Variants in LEPR observed in about 807,000 individuals in gnomAD.
LEPR encodes leptin receptor, also known as OB receptor.
A neutral mutation model predicts 114.7 loss-of-function variants in LEPR; 56 were observed. That is an observed-to-expected ratio of 0.49 (90% CI 0.39 to 0.61). The LOEUF (loss-of-function observed/expected upper bound fraction) is 0.61. Ranked by LOEUF, LEPR falls within the 20% of genes least tolerant of loss-of-function variation. The pLI, the probability that LEPR is intolerant of heterozygous loss-of-function variation, is 0.00. For synonymous variants in LEPR, 443 were observed against 461.4 expected, an observed-to-expected ratio of 0.96 and a Z score of 0.51; for missense variants, 1,202 against 1,352.9, an observed-to-expected ratio of 0.89 and a Z score of 1.75.
chr1:65,635,859 C>G (rs903835550), intron 19 of LEPR, among the ~76,000 whole-genome samples: 1 of 152,112 alleles, frequency 6.6e-6, no homozygotes, highest in South Asian at 2.1e-4. Flanking sequence ...TAAGCACTTG[C>G]AGACACTAAT....
Position 65,601,773 on chromosome 1 carries a change from GA to G in LEPR, c.1286-64del, listed in dbSNP as rs1481333983. 1.0e-5 allele frequency: 16 copies of G among 1,586,850 alleles called. No homozygotes were observed. In the East Asian group the frequency reaches 3.2e-4, roughly 32 times the overall value. Reference sequence around the variant, plus strand: ...TATTAGAGTCCTGTTAAAGATGTAAGAAAAAATTTTTTTCATTGAATTTTTT... The same window carrying G: ...TATTAGAGTCCTGTTAAAGATGTAAGAAAAATTTTTTTCATTGAATTTTTT... On this transcript the variant is annotated intron_variant, in intron 9 of 19. Transcript: ENST00000349533.
At chr1:65,425,203 A>G in intron 1 of LEPR, 100 bp from the exon 2 acceptor site, 2 of 942,364 alleles carry the variant, frequency 2.1e-6, no homozygotes, top group South Asian at 2.9e-5. Flanking sequence ...CGCCAAAGAA[A>G]CTCTGGACCT....
intron 2 of LEPR, among the ~76,000 whole-genome samples, chr1:65,523,502 G>T (rs1025448077): frequency 2.0e-5 from 3 of 151,826 alleles, no homozygotes; most frequent in Non-Finnish European, 4.4e-5. Flanking sequence ...ATGGAGATGG[G>T]GTTTCACCAT....
At chr1:65,576,879 A>C (rs769606676) in intron 5 of LEPR, 1 of 331,278 alleles carries the variant, frequency 3.0e-6, no homozygotes, top group Non-Finnish European at 6.0e-6. Flanking sequence ...TGTTATTTCC[A>C]AGTTTTCTCC....
chr1:65,454,622 C>T (rs959943430), intron 2 of LEPR, among the ~76,000 whole-genome samples: 1 of 152,216 alleles, frequency 6.6e-6, no homozygotes, highest in African/African-American at 2.4e-5. Flanking sequence ...CCACTCTCTT[C>T]TGGCTTGTAG....
rs114505530 is a variant in LEPR, at chr1:65,425,236, C to T, written c.-96-67C>T. 2.6e-3 allele frequency: 3,744 copies of T among 1,414,424 alleles called. 83 individuals are homozygous for T. In the African/African-American group the frequency reaches 0.047, roughly 18 times the overall value. 87.6% of individuals were successfully genotyped at this position (1,414,424 alleles called of 1,614,324 possible). A position where few individuals can be genotyped will look rare whatever the true frequency, so the allele number is the denominator to read the frequency against. On this transcript the variant is annotated intron_variant, in intron 1 of 19. Coordinates refer to ENST00000349533, the MANE Select transcript of LEPR (RefSeq NM_002303.6). ...CCTATTAGAAGTCACTCCCCATTTC[C>T]CCAAACCCTCTAGTGCCTGACAACC...
chr1:65,616,025 C>T lies in LEPR; in HGVS notation c.2013C>T (p.Asp671=), dbSNP rs769090710. The part of the protein sequence containing the change: ...TLLWKPLMKN[D]SLCSVQRYVI... ...TACTACAGCCCCTGATGAAAAATGA[C>T]TCATTGTGCAGTGTTCAGAGATATG... Residue 671 remains aspartate (D), a synonymous_variant, in exon 15 of 20, where the codon GAC becomes GAT. Transcript: ENST00000349533. 2.5e-6 allele frequency: 4 copies of T among 1,614,112 alleles called. No individual in the cohort carries two copies. In the Admixed American group the frequency reaches 5.0e-5, roughly 20 times the overall value.
In LEPR at chr1:65,602,429, A is replaced by T. The variant is rs576847029; in HGVS notation, c.1403+469A>T. On this transcript the variant is annotated intron_variant, in intron 10 of 19. Transcript: ENST00000349533. ...GAGATTACTTAGGAAATAAATACTTATGGTTAATAAAGGGTAATGTGTTCT... is the reference window on the plus strand; with the variant it reads ...GAGATTACTTAGGAAATAAATACTTTTGGTTAATAAAGGGTAATGTGTTCT... 5.9e-5 allele frequency among the ~76,000 whole-genome samples: 9 copies of T among 152,082 alleles called. No individual in the cohort carries two copies. The East Asian group carries it at 1.7e-3, about 29-fold the overall frequency.
At chr1:65,586,941 A>C (rs1315623133) in intron 5 of LEPR, among the ~76,000 whole-genome samples, 1 of 152,106 alleles carries the variant, frequency 6.6e-6, no homozygotes, top group East Asian at 1.9e-4. Context: ...AAAATGAAAA[A>C]GAGATTGAAT....
intron 2 of LEPR, among the ~76,000 whole-genome samples, chr1:65,564,967 G>A (rs569640162): frequency 1.3e-5 from 2 of 152,294 alleles, no homozygotes; most frequent in African/African-American, 4.8e-5. Flanking sequence ...GGTATATTAA[G>A]CCACCAGACT....
intron 6 of LEPR, 23 bp from the exon 7 acceptor site, chr1:65,596,425 G>C: frequency 1.2e-6 from 2 of 1,611,434 alleles, no homozygotes; most frequent in Non-Finnish European, 1.7e-6. Context: ...TGACTTAAAA[G>C]TATTCTCTTT....
chr1:65,565,668 A>G (rs1427730508), intron 3 of LEPR, 63 bp downstream of exon 3: 1 of 1,575,832 alleles, frequency 6.3e-7, no homozygotes. Flanking sequence ...TTGCCTTTAG[A>G]GATGCTGTTT....
At chr1:65,630,132 C>G (rs1268494005) in intron 19 of LEPR, 1 of 182,100 alleles carries the variant, frequency 5.5e-6, no homozygotes, top group Admixed American at 5.9e-5. Flanking sequence ...TCCAGTGTTG[C>G]TTCTGAGCAG....
chr1:65,432,538 C>T (rs906657338), intron 2 of LEPR: 9 of 828,752 alleles, frequency 1.1e-5, no homozygotes, highest in Non-Finnish European at 1.0e-5. Flanking sequence ...ACCACTTAAC[C>T]TCTCTGGGTG....
chr1:65,566,231 T>G (rs761114299), intron 3 of LEPR, among the ~76,000 whole-genome samples: 36 of 141,788 alleles, frequency 2.5e-4, no homozygotes, highest in South Asian at 6.6e-4. Context: ...TGAGACGCAG[T>G]CTTGCTCTGC....
At chr1:65,475,006 CAAAA>C (rs1325552861) in intron 2 of LEPR, among the ~76,000 whole-genome samples, 2 of 23,938 alleles carry the variant, frequency 8.4e-5, no homozygotes, top group African/African-American at 2.8e-4. Flanking sequence ...GACTCCATCT[CAAAA>C]AAAAAAAAAA....
intron 14 of LEPR, among the ~76,000 whole-genome samples, chr1:65,615,478 C>A (rs1301451754): frequency 1.3e-5 from 2 of 152,116 alleles, no homozygotes; most frequent in Non-Finnish European, 2.9e-5. Context: ...TTAACCTTTG[C>A]AGACATTCTT....
At chr1:65,482,606 T>C (rs984928001) in intron 2 of LEPR, among the ~76,000 whole-genome samples, 4 of 151,872 alleles carry the variant, frequency 2.6e-5, no homozygotes, top group Non-Finnish European at 4.4e-5. Context: ...ACATATGGGG[T>C]TGAAATAATT....
intron 2 of LEPR, chr1:65,433,096 G>T: frequency 1.0e-6 from 1 of 985,372 alleles, no homozygotes; most frequent in Non-Finnish European, 1.2e-6. Context: ...TAGCAGGAGG[G>T]GGAGAACAGA....
Sources: allele counts gnomAD v4.1 joint callset (sites outside exome capture counted in the v4.1 genomes callset), GRCh38; gene constraint gnomAD v4.1.1; transcripts MANE v1.5; gene names NCBI Gene and HGNC (gene_info 2026-07-23, HGNC 2026-07-21).